ZNF142: variants seen among roughly 807,000 people sequenced by gnomAD.
ZNF142 encodes the protein zinc finger protein 142 (clone pHZ-49).
Under a neutral mutation model 132.1 loss-of-function variants are expected in ZNF142, and 96 were observed. The ratio of observed to expected loss-of-function variants is 0.73; its 90% CI spans 0.62 to 0.86. The LOEUF (loss-of-function observed/expected upper bound fraction) is 0.86. Ranked by LOEUF, ZNF142 falls within the 40% of genes least tolerant of loss-of-function variation. ZNF142 has a pLI of 0.00. For synonymous variants in ZNF142, 842 were observed against 890.1 expected, an observed-to-expected ratio of 0.95 and a Z score of 0.96; for missense variants, 2,163 against 2,336.2, an observed-to-expected ratio of 0.93 and a Z score of 1.53.
intron 10 of ZNF142, among the ~76,000 whole-genome samples, chr2:218,639,449 G>A (rs1696984254): frequency 6.6e-6 from 1 of 152,166 alleles, no homozygotes; most frequent in Non-Finnish European, 1.5e-5. Context: ...GTTTCCCCAT[G>A]GGAAATTATA....
rs185508464 is a variant in ZNF142 at position 218,644,011 on chromosome 2, G to A, written c.3105C>T (p.Ala1035=). ...QMVVIQGEGR[A]FRCPHCPFIT... is the part of the protein sequence containing the mutation. ...TAAAAGGGCAGTGTGGGCAGCGGAA[G>A]GCTCGCCCCTCTCCCTGGATCACTA... Residue 1035 remains alanine, a synonymous_variant, in exon 9 of 11, where the codon GCC becomes GCT. Transcript: ENST00000411696. The surrounding 1 kb of genome is among the most constrained non-coding windows in gnomAD (Gnocchi z 4.6). The A allele has an allele frequency of 4.0e-3, 6,493 of 1,614,146 alleles. 15 individuals carry two copies. The highest frequency in any genetic ancestry group is 4.9e-3 in the Non-Finnish European group (5,804 of 1,180,026).
chr2:218,646,118 T>G, intron 8 of ZNF142, 53 bp downstream of exon 8: 1 of 1,584,000 alleles, frequency 6.3e-7, no homozygotes, highest in East Asian at 2.2e-5. Flanking sequence ...GAGAGGAAGC[T>G]AGCTTGGCTA....
Position 218,650,412 on chromosome 2 carries a change from TG to T in ZNF142, c.994del (p.Gln332ArgfsTer137). The T allele has an allele frequency of 6.2e-7, 1 of 1,614,228 alleles. No individual in the cohort carries two copies. ...ATCCACAGCCTTTTGGGAGTCCTTC[TG>T]GGTGTCACTCTTCTCTTCTTTCTCT... ...NVEKEEKSDT[Q>X]KDSQKAVDKG... is the part of the protein sequence containing the mutation. On this transcript the variant is annotated frameshift_variant, in exon 6 of 11. Coordinates refer to ENST00000411696, the MANE Select transcript of ZNF142 (RefSeq NM_001379659.1). LOFTEE classifies it high-confidence loss of function.
chr2:218,638,854 G>A, intron 10 of ZNF142, 46 bp from the exon 11 acceptor site: 1 of 1,471,150 alleles, frequency 6.8e-7, no homozygotes, highest in Non-Finnish European at 9.1e-7. Context: ...GTGGAGCAAG[G>A]TTTACTGGGC....
intron 10 of ZNF142, among the ~76,000 whole-genome samples, chr2:218,640,061 CAAAAAAAAAAAAAA>C (rs35136548): frequency 1.1e-4 from 5 of 44,316 alleles, no homozygotes; most frequent in African/African-American, 5.1e-4. Context: ...GACTCTGTCT[CAAAAAAAAAAAAAA>C]AAAAAAAAAA....
rs770886397 is a variant in ZNF142, at chr2:218,638,712, G to A, written c.5291C>T (p.Ala1764Val). Residue 1764 changes from alanine (A) to valine (V), a missense_variant, in exon 11 of 11, where the codon GCT (alanine) becomes GTT (valine). Coordinates refer to ENST00000411696, the MANE Select transcript of ZNF142 (RefSeq NM_001379659.1). The part of the protein sequence containing the change: ...HQETRHREAR[A>V]FMCEQCGKAF... Reference sequence around the variant, plus strand: ...CTTGCCACACTGCTCACACATGAAAGCCCGTGCTTCTCGATGCCGGGTCTC... The same window carrying A: ...CTTGCCACACTGCTCACACATGAAAACCCGTGCTTCTCGATGCCGGGTCTC... The A allele has an allele frequency of 2.5e-6, 4 of 1,613,996 alleles. No homozygotes were observed. Among genetic ancestry groups the A allele is most frequent in the African/African-American group, 2.7e-5 (2 of 74,948 alleles).
rs200695718 is a variant in ZNF142 at position 218,649,291 on chromosome 2, A to G, written c.1217T>C (p.Leu406Pro). Reference protein sequence around the residue: ...CQKFFTSKSKLKTHLLRELGE... With the variant: ...CQKFFTSKSKPKTHLLRELGE... Reference sequence around the variant, plus strand: ...CAGCTCCCGCAGCAGATGGGTCTTGAGCTTGCTCTTACTGGTGAAGAACTT... The same window carrying G: ...CAGCTCCCGCAGCAGATGGGTCTTGGGCTTGCTCTTACTGGTGAAGAACTT... The change falls in exon 7 of 11, where the codon CTC becomes CCC. Residue 406 changes from leucine to proline, a missense_variant. Leu to Pro is a moderately conservative substitution (Grantham distance 98). Transcript: ENST00000411696. 6.2e-7 allele frequency: 1 copy of G among 1,614,176 alleles called. No homozygotes were observed. Among genetic ancestry groups the G allele is most frequent in the Non-Finnish European group, 8.5e-7 (1 of 1,180,030 alleles).
chr2:218,641,514 G>A (rs957063306), intron 9 of ZNF142, among the ~76,000 whole-genome samples: 1 of 151,930 alleles, frequency 6.6e-6, no homozygotes, highest in African/African-American at 2.4e-5. Flanking sequence ...AAAGTGCTGG[G>A]ATTACAGGCG....
At position 218,656,963 on chromosome 2, in the gene ZNF142, T is replaced by C. The variant is rs1450244369; in HGVS notation, c.-34-500A>G. On this transcript the variant is annotated intron_variant, in intron 3 of 10. Coordinates refer to ENST00000411696, the MANE Select transcript of ZNF142 (RefSeq NM_001379659.1). ...CTCCCCAATAGCTGGACTACAGGCA[T>C]GTGCCACACACGCCCAGGTAAATTT... Among the ~76,000 whole-genome samples, 4 of 152,066 alleles carry C rather than the reference T, an allele frequency of 2.6e-5. No individual in the cohort carries two copies. In the East Asian group the frequency reaches 7.7e-4, roughly 29 times the overall value.
intron 3 of ZNF142, among the ~76,000 whole-genome samples, chr2:218,657,768 C>T (rs1938665843): frequency 6.6e-6 from 1 of 152,146 alleles, no homozygotes; most frequent in Non-Finnish European, 1.5e-5. Context: ...TTCTGGCGTC[C>T]TAAGGGCACT....
chr2:218,649,599 T>A, intron 6 of ZNF142, 140 bp from the exon 7 acceptor site: 1 of 824,178 alleles, frequency 1.2e-6, no homozygotes, highest in Non-Finnish European at 1.8e-6. Context: ...TCAAATACTG[T>A]AGTCTCAAAA....
Position 218,644,813 on chromosome 2 carries a change from G to A in ZNF142, c.2303C>T (p.Thr768Ile). The change falls in exon 9 of 11, where the codon ACC becomes ATC. Residue 768 changes from threonine to isoleucine, a missense_variant. Transcript: ENST00000411696. The surrounding 1 kb of genome is among the most constrained non-coding windows in gnomAD (Gnocchi z 4.6). ...GGCACAGTGGAACTCACGGAGGCGG[G>A]TATGCTTGCAGTTCTCATGGCTCAG... ...AVLSHENCKHTRLREFHCALC... is the reference protein window; with the variant it reads ...AVLSHENCKHIRLREFHCALC... 6.2e-7 allele frequency: 1 copy of A among 1,614,260 alleles called. No individual in the cohort carries two copies. Among genetic ancestry groups the A allele is most frequent in the Non-Finnish European group, 8.5e-7 (1 of 1,180,048 alleles).
chr2:218,638,827 A>G lies in ZNF142; in HGVS notation c.5195-19T>C. ...TTCAGTCCTACAGGACAGGGAACAA[A>G]TCACCATTGAAAGGCGGTGGAGCAA... On this transcript the variant is annotated intron_variant, in intron 10 of 10. Coordinates refer to ENST00000411696, the MANE Select transcript of ZNF142 (RefSeq NM_001379659.1). 1 of 1,564,334 alleles carries G rather than the reference A, an allele frequency of 6.4e-7. No individual in the cohort carries two copies. The highest frequency in any genetic ancestry group is 8.6e-7 in the Non-Finnish European group (1 of 1,158,294).
intron 4 of ZNF142, among the ~76,000 whole-genome samples, chr2:218,654,219 A>G (rs1176972417): frequency 6.6e-6 from 1 of 152,186 alleles, no homozygotes; most frequent in East Asian, 1.9e-4. Flanking sequence ...TAGTGGTCAG[A>G]GTATGCAAAT....
chr2:218,636,419 C>T lies in ZNF142; in HGVS notation c.*1920G>A, dbSNP rs1389779600. 1 of 1,614,010 alleles carries T rather than the reference C, an allele frequency of 6.2e-7. No homozygotes were observed. The highest frequency in any genetic ancestry group is 8.5e-7 in the Non-Finnish European group (1 of 1,179,874). ...TGAGCCAGCCCCTTTGGCCCCTGGC[C>T]AATACCCCAGCTCTGGCTGCCTTCC... On this transcript the variant is annotated 3_prime_UTR_variant, in exon 11 of 11. Coordinates refer to ENST00000411696, the MANE Select transcript of ZNF142 (RefSeq NM_001379659.1).
intron 4 of ZNF142, among the ~76,000 whole-genome samples, chr2:218,654,281 G>A (rs1290714660): frequency 1.3e-5 from 2 of 151,760 alleles, no homozygotes; most frequent in East Asian, 3.9e-4. Flanking sequence ...ATACTAATTT[G>A]TATCTCCATA....
In ZNF142 at chr2:218,648,623, A is replaced by C; in HGVS notation, c.1873+12T>G. On this transcript the variant is annotated intron_variant, in intron 7 of 10. Transcript: ENST00000411696. The stretch of plus-strand genomic sequence containing the variant: ...TATTACAACATTATTTTAAGGATGG[A>C]AACCATCCTACCCGTATGTAGAAGC... The C allele has an allele frequency of 6.2e-7, 1 of 1,605,070 alleles. No individual in the cohort carries two copies. The highest frequency in any genetic ancestry group is 8.5e-7 in the Non-Finnish European group (1 of 1,172,416).
rs1696654398 is a variant in ZNF142, at chr2:218,635,229, C to T, written c.*3110G>A. 6.6e-6 allele frequency among the ~76,000 whole-genome samples: 1 copy of T among 151,998 alleles called. No individual in the cohort carries two copies. Among genetic ancestry groups the T allele is most frequent in the African/African-American group, 2.4e-5 (1 of 41,352 alleles). On this transcript the variant is annotated 3_prime_UTR_variant, in exon 11 of 11. Transcript: ENST00000411696. Reference sequence around the variant, plus strand: ...GTTGCAGTGAGCTATGACTGCCCCACTGCATTCCAGCTTGGTCAAGAGTAT... The same window carrying T: ...GTTGCAGTGAGCTATGACTGCCCCATTGCATTCCAGCTTGGTCAAGAGTAT...
chr2:218,638,703 C>CTA lies in ZNF142; in HGVS notation c.5299_5300insTA (p.Cys1767LeufsTer147). The CTA allele has an allele frequency of 6.2e-7, 1 of 1,614,156 alleles. No homozygotes were observed. Among genetic ancestry groups the CTA allele is most frequent in the East Asian group, 2.2e-5 (1 of 44,882 alleles). On this transcript the variant is annotated frameshift_variant, in exon 11 of 11. Transcript: ENST00000411696. LOFTEE classifies it high-confidence loss of function. ...CTTGAAGGCCTTGCCACACTGCTCA[C>CTA]ACATGAAAGCCCGTGCTTCTCGATG...
Sources: gnomAD v4.1 joint callset for allele counts (sites outside exome capture counted in the v4.1 genomes callset) on GRCh38, gnomAD v4.1.1 for gene constraint, Gnocchi (gnomAD v3.1) non-coding constraint, MANE v1.5 for transcripts, NCBI Gene and HGNC (gene_info 2026-07-23, HGNC 2026-07-21) for gene names.